CRAT: variants seen among roughly 807,000 people sequenced by gnomAD.
CRAT encodes the protein carnitine acetylase.
A neutral mutation model predicts 73.7 loss-of-function variants in CRAT; 66 were observed. That is an observed-to-expected ratio of 0.90 (90% confidence interval 0.73 to 1.10). The LOEUF (loss-of-function observed/expected upper bound fraction) is 1.10. Ranked by LOEUF, CRAT falls within the 50% of genes least tolerant of loss-of-function variation. The pLI is 0.00. For synonymous variants in CRAT, 321 were observed against 343.2 expected (o/e 0.94, Z 0.71); for missense variants, 745 against 846.9 (o/e 0.88, Z 1.49).
At chr9:129,100,744 G>C in intron 6 of CRAT, 55 bp from the exon 7 acceptor site, 1 of 1,556,088 alleles carries the variant, frequency 6.4e-7, no homozygotes, top group Non-Finnish European at 8.7e-7. Context: ...GTGTGGGAGA[G>C]ATGGACCAGC....
rs530504503 is a variant in CRAT, at chr9:129,104,815, A to G, written c.292-509T>C. Among the ~76,000 whole-genome samples, 347 of 150,816 alleles carry G rather than the reference A, an allele frequency of 2.3e-3. 3 individuals carry two copies. Among genetic ancestry groups the G allele is most frequent in the Non-Finnish European group, 3.8e-3 (259 of 67,880 alleles). ...GAGACGGGGTTTCACCGTGTTAGCCAGGATGGTCTCGATTTCCTGACCTCA... is the reference window on the plus strand; with the variant it reads ...GAGACGGGGTTTCACCGTGTTAGCCGGGATGGTCTCGATTTCCTGACCTCA... On this transcript the variant is annotated intron_variant, in intron 2 of 13. Transcript: ENST00000318080.
chr9:129,097,033 A>C (rs1447600120), intron 12 of CRAT, among the ~76,000 whole-genome samples: 1 of 149,804 alleles, frequency 6.7e-6, no homozygotes, highest in African/African-American at 2.5e-5. Flanking sequence ...ACACCACTGC[A>C]CTCCAGCCTG....
chr9:129,105,757 G>C (rs940068553), intron 2 of CRAT, among the ~76,000 whole-genome samples: 1 of 152,166 alleles, frequency 6.6e-6, no homozygotes, highest in African/African-American at 2.4e-5. Flanking sequence ...GGGCAATCTT[G>C]AGGGGATGCT....
chr9:129,098,087 G>A lies in CRAT; in HGVS notation c.1390C>T (p.Arg464Cys), dbSNP rs780209200. The change falls in exon 11 of 14, where the codon CGC becomes TGC. Residue 464 changes from arginine to cysteine, a missense_variant. Arg to Cys is a radical substitution (Grantham distance 180). Transcript: ENST00000318080. ...SASLRMFHLG[R>C]TDTIRSASMD... The stretch of plus-strand genomic sequence containing the variant: ...GAAGCCGAGCGGATGGTGTCGGTGC[G>A]GCCCAGGTGAAACATGCGCAGGGAG... 13 of 1,613,930 alleles carry A rather than the reference G, an allele frequency of 8.1e-6. No homozygotes were observed. The highest frequency in any genetic ancestry group is 2.2e-5 in the East Asian group (1 of 44,892).
chr9:129,099,874 G>A lies in CRAT; in HGVS notation c.1077C>T (p.Ile359=), dbSNP rs754062880. 14 of 1,612,794 alleles carry A rather than the reference G, an allele frequency of 8.7e-6. No individual in the cohort carries two copies. Among genetic ancestry groups the A allele is most frequent in the Middle Eastern group, 1.6e-4 (1 of 6,076 alleles). The change falls in exon 8 of 14, where the codon ATC becomes ATT. Residue 359 remains isoleucine (I), a synonymous_variant. Transcript: ENST00000318080. ...PPIVTLLDYV[I]EYTKKPELVR... is the part of the protein sequence containing the mutation. ...GATGTGACTGTACTCACGTGTACTCGATGACATAGTCCAGAAGGGTGACAA... is the reference window on the plus strand; with the variant it reads ...GATGTGACTGTACTCACGTGTACTCAATGACATAGTCCAGAAGGGTGACAA...
At chr9:129,108,609 G>T in intron 1 of CRAT, 1 of 1,100,462 alleles carries the variant, frequency 9.1e-7, no homozygotes, top group Non-Finnish European at 1.2e-6. Context: ...TGAGGGCAGT[G>T]CTGTGGCGAG....
chr9:129,109,885 G>C (rs1301614606), intron 1 of CRAT, among the ~76,000 whole-genome samples: 1 of 151,374 alleles, frequency 6.6e-6, no homozygotes, highest in East Asian at 1.9e-4. Flanking sequence ...GGGGCTAGAG[G>C]GGAGGATATA....
intron 7 of CRAT, 97 bp from the exon 8 acceptor site, chr9:129,100,063 C>T (rs1847565587): frequency 1.2e-6 from 1 of 868,718 alleles, no homozygotes; most frequent in Non-Finnish European, 1.9e-6. Flanking sequence ...CTCTCTGAAG[C>T]CATCTCAAGG....
Position 129,107,412 on chromosome 9 carries a change from A to C in CRAT, c.291+402T>G. ...AACATTGGTGTAGACATATTTGCCA[A>C]ACTGGGTACACCTGTGTCATAGATC... On this transcript the variant is annotated intron_variant, in intron 2 of 13. Transcript: ENST00000318080. The surrounding 1 kb of genome is among the most constrained non-coding windows in gnomAD (Gnocchi z 5.0). The C allele has an allele frequency of 1.7e-6, 1 of 578,404 alleles. No homozygotes were observed. The highest frequency in any genetic ancestry group is 2.2e-5 in the South Asian group (1 of 45,002). The allele number at this position is 578,404 out of a possible 1,614,324, so 35.8% of individuals were successfully genotyped here.
At position 129,105,152 on chromosome 9, in the gene CRAT, G is replaced by A. The variant is rs1437801873; in HGVS notation, c.292-846C>T. ...GATCTCCTGACCTCGTGATCCTCCC[G>A]CCTCGGCCTCCCAAAGTGCTGGGAT... On this transcript the variant is annotated intron_variant, in intron 2 of 13. Coordinates refer to ENST00000318080, the MANE Select transcript of CRAT (RefSeq NM_000755.5). Among the ~76,000 whole-genome samples the A allele has an allele frequency of 5.6e-4, 82 of 146,592 alleles. No homozygotes were observed. The Middle Eastern group carries it at 0.011, about 20-fold the overall frequency.
intron 2 of CRAT, among the ~76,000 whole-genome samples, chr9:129,105,466 G>A (rs1208960150): frequency 6.6e-6 from 1 of 152,056 alleles, no homozygotes; most frequent in Non-Finnish European, 1.5e-5. Flanking sequence ...GACTATAGGT[G>A]CGCACCACCA....
At position 129,102,448 on chromosome 9, in the gene CRAT, G is replaced by A. The variant is rs758637826; in HGVS notation, c.582C>T (p.Ser194=). The change falls in exon 5 of 14, where the codon AGC becomes AGT. Residue 194 remains serine, a synonymous_variant. Coordinates refer to ENST00000318080, the MANE Select transcript of CRAT (RefSeq NM_000755.5). ...TGTGCGTGGGAGGCTTCTTGGTCTT[G>A]CTGAAGTTGCTGACTGTGTCCTGCT... ...GPKQDTVSNF[S]KTKKPPTHIT... is the part of the protein sequence containing the mutation. 6.8e-6 allele frequency: 11 copies of A among 1,614,084 alleles called. No homozygotes were observed. In the South Asian group the frequency reaches 8.8e-5, roughly 13 times the overall value.
At chr9:129,108,110 C>T in intron 1 of CRAT, 33 bp from the exon 2 acceptor site, 2 of 1,497,622 alleles carry the variant, frequency 1.3e-6, no homozygotes, top group Non-Finnish European at 1.8e-6. Context: ...TTCATTCCCT[C>T]CCCGGCTCTG....
At position 129,108,780 on chromosome 9, in the gene CRAT, C is replaced by T. The variant is rs745540532; in HGVS notation, c.28-703G>A. The T allele has an allele frequency of 4.8e-5, 62 of 1,304,112 alleles. 1 individual carries two copies. The African/African-American group carries it at 4.9e-4, about 10-fold the overall frequency. The allele number at this position is 1,304,112 out of a possible 1,614,324, so 80.8% of individuals were successfully genotyped here. A position where few individuals can be genotyped will look rare whatever the true frequency, so the allele number is the denominator to read the frequency against. On this transcript the variant is annotated intron_variant, in intron 1 of 13. Transcript: ENST00000318080. ...TTCCATACCTTCTCTCTCTGCTGCC[C>T]GTCCTCCTCCATGGCAGGACTGAGG...
Position 129,095,096 on chromosome 9 carries a change from G to A in CRAT, c.*301C>T. On this transcript the variant is annotated 3_prime_UTR_variant, in exon 14 of 14. Transcript: ENST00000318080. ...TCTTGCCAGTCTCCTGCTCTGGAGGGCTGGTTCCCTTCCCCAGAGGAGGCA... is the reference window on the plus strand; with the variant it reads ...TCTTGCCAGTCTCCTGCTCTGGAGGACTGGTTCCCTTCCCCAGAGGAGGCA... 1 of 463,272 alleles carries A rather than the reference G, an allele frequency of 2.2e-6. No homozygotes were observed. Among genetic ancestry groups the A allele is most frequent in the Non-Finnish European group, 3.9e-6 (1 of 253,750 alleles). The allele number at this position is 463,272 out of a possible 1,614,324, so 28.7% of individuals were successfully genotyped here.
Position 129,108,846 on chromosome 9 carries a change from C to T in CRAT, c.28-769G>A, listed in dbSNP as rs1848183965. 12 of 1,304,080 alleles carry T rather than the reference C, an allele frequency of 9.2e-6. No individual in the cohort carries two copies. The South Asian group carries it at 1.5e-4, about 16-fold the overall frequency. 80.8% of individuals were successfully genotyped at this position (1,304,080 alleles called of 1,614,324 possible). A position where few individuals can be genotyped will look rare whatever the true frequency, so the allele number is the denominator to read the frequency against. On this transcript the variant is annotated intron_variant, in intron 1 of 13. Coordinates refer to ENST00000318080, the MANE Select transcript of CRAT (RefSeq NM_000755.5). ...GTCTGCCTTGGCTGGATCTCTAAGC[C>T]TAACTGTGCTACAAAGTGAGTGAGC...
In CRAT at chr9:129,110,590, G is replaced by T; in HGVS notation, c.-81C>A. On this transcript the variant is annotated 5_prime_UTR_variant, in exon 1 of 14. Transcript: ENST00000318080. This position sits in a 1 kb window ranked among gnomAD's most constrained non-coding sequence, Gnocchi z 5.3. ...TCCGCGCCGCCGCCGCCGCGGCTGG[G>T]GTCGGTGGGTCCTTGCTAGAGCCTT... 6.9e-7 allele frequency: 1 copy of T among 1,456,610 alleles called. No homozygotes were observed. Among genetic ancestry groups the T allele is most frequent in the South Asian group, 1.3e-5 (1 of 75,286 alleles). The allele number at this position is 1,456,610 out of a possible 1,614,324, so 90.2% of individuals were successfully genotyped here. A position where few individuals can be genotyped will look rare whatever the true frequency, so the allele number is the denominator to read the frequency against.
At chr9:129,098,219 C>G in intron 10 of CRAT, 30 bp downstream of exon 10, 1 of 1,613,246 alleles carries the variant, frequency 6.2e-7, no homozygotes, top group Non-Finnish European at 8.5e-7. Context: ...GGTCTCCTCC[C>G]TCCTCCATGG....
At chr9:129,100,062 G>A (rs1847565347) in intron 7 of CRAT, 96 bp from the exon 8 acceptor site, 3 of 870,188 alleles carry the variant, frequency 3.4e-6, no homozygotes, top group South Asian at 2.9e-5. Flanking sequence ...CCTCTCTGAA[G>A]CCATCTCAAG....
Sources: gnomAD v4.1 joint callset for allele counts (sites outside exome capture counted in the v4.1 genomes callset) on GRCh38, gnomAD v4.1.1 for gene constraint, Gnocchi (gnomAD v3.1) non-coding constraint, MANE v1.5 for transcripts, NCBI Gene and HGNC (gene_info 2026-07-23, HGNC 2026-07-21) for gene names.